TRAPPC11: variants seen among roughly 807,000 people sequenced by gnomAD.
TRAPPC11 encodes the protein trafficking protein particle complex subunit 11, also known as foie gras homolog.
Under a neutral mutation model 151.2 loss-of-function variants are expected in TRAPPC11, and 104 were observed. The ratio of observed to expected loss-of-function variants is 0.69; its 90% CI spans 0.59 to 0.81. The LOEUF is 0.81. TRAPPC11 is among the 30% of genes least tolerant of loss of function. The probability of loss-of-function intolerance (pLI) is 0.00; values close to 1 mark genes in which losing one functional copy is unlikely to be tolerated. For synonymous variants in TRAPPC11, 456 were observed against 472.3 expected, an observed-to-expected ratio of 0.97 and a Z score of 0.45; for missense variants, 1,230 against 1,349.6, an observed-to-expected ratio of 0.91 and a Z score of 1.39.
intron 25 of TRAPPC11, among the ~76,000 whole-genome samples, chr4:183,699,081 A>T (rs1736679863): frequency 6.6e-6 from 1 of 151,986 alleles, no homozygotes; most frequent in Non-Finnish European, 1.5e-5. Context: ...GACACACTGG[A>T]CCTCACCTGG....
chr4:183,695,248 C>T (rs1736477998), intron 23 of TRAPPC11, among the ~76,000 whole-genome samples: 1 of 152,124 alleles, frequency 6.6e-6, no homozygotes, highest in Non-Finnish European at 1.5e-5. Context: ...CTGGACCCGG[C>T]CTATATGGCT....
Position 183,683,719 on chromosome 4 carries a change from T to A in TRAPPC11, c.1208-256T>A, listed in dbSNP as rs571075873. On this transcript the variant is annotated intron_variant, in intron 11 of 29. Transcript: ENST00000334690. ...CAAGTGTATCCTCTATAGAGGATGATATTGACATTGCTTTTCAGATCGTTG... is the reference window on the plus strand; with the variant it reads ...CAAGTGTATCCTCTATAGAGGATGAAATTGACATTGCTTTTCAGATCGTTG... 10 of 488,726 alleles carry A rather than the reference T, an allele frequency of 2.0e-5. No individual in the cohort carries two copies. The South Asian group carries it at 2.2e-4, about 11-fold the overall frequency. 30.3% of individuals were successfully genotyped at this position (488,726 alleles called of 1,614,324 possible). A position where few individuals can be genotyped will look rare whatever the true frequency, so the allele number is the denominator to read the frequency against.
In TRAPPC11 at chr4:183,694,662, A is replaced by C; in HGVS notation, c.2567A>C (p.Tyr856Ser). Residue 856 changes from tyrosine to serine, a missense_variant, in exon 23 of 30, where the codon TAT becomes TCT. Tyr to Ser is a moderately radical substitution (Grantham distance 144). Transcript: ENST00000334690. Reference sequence around the variant, plus strand: ...GTGGGTTCCAGAATGTTTCTTGTATATGTTTCTTACCTGATAAATACAACC... The same window carrying C: ...GTGGGTTCCAGAATGTTTCTTGTATCTGTTTCTTACCTGATAAATACAACC... ...GTVGSRMFLV[Y>S]VSYLINTTVE... The C allele has an allele frequency of 6.2e-7, 1 of 1,612,210 alleles. No individual in the cohort carries two copies.
chr4:183,707,254 ATGTGTGTG>A (rs10576583), intron 28 of TRAPPC11, among the ~76,000 whole-genome samples: 4 of 148,568 alleles, frequency 2.7e-5, no homozygotes, highest in Admixed American at 6.7e-5. Context: ...GTGTGTGTTT[ATGTGTGTG>A]TGTGTGTGTG....
intron 1 of TRAPPC11, among the ~76,000 whole-genome samples, chr4:183,661,463 C>T (rs1167428874): frequency 6.7e-6 from 1 of 149,830 alleles, no homozygotes; most frequent in Non-Finnish European, 1.5e-5. Context: ...GCTCCGCCTC[C>T]CGGGTTCACG....
chr4:183,702,368 C>T (rs1736843022), intron 26 of TRAPPC11, among the ~76,000 whole-genome samples: 1 of 150,176 alleles, frequency 6.7e-6, no homozygotes, highest in East Asian at 2.0e-4. Flanking sequence ...AAGTTCATAG[C>T]AGCATTGATT....
At chr4:183,673,534 C>T (rs557504463) in intron 5 of TRAPPC11, among the ~76,000 whole-genome samples, 2 of 151,910 alleles carry the variant, frequency 1.3e-5, no homozygotes, top group Admixed American at 6.6e-5. Context: ...ATTAGCTGGG[C>T]GTGGTCATGT....
chr4:183,703,532 GA>G (rs1393313929), intron 26 of TRAPPC11, among the ~76,000 whole-genome samples: 5 of 152,124 alleles, frequency 3.3e-5, no homozygotes, highest in African/African-American at 1.2e-4. Flanking sequence ...ATATGCTATT[GA>G]AATTTTAGCC....
chr4:183,696,875 A>G (rs1736565235), intron 23 of TRAPPC11, among the ~76,000 whole-genome samples: 1 of 152,126 alleles, frequency 6.6e-6, no homozygotes, highest in Non-Finnish European at 1.5e-5. Context: ...TTACATTATT[A>G]TTATCTTTCT....
At chr4:183,678,324 C>T (rs1044464558) in intron 8 of TRAPPC11, among the ~76,000 whole-genome samples, 4 of 152,154 alleles carry the variant, frequency 2.6e-5, no homozygotes, top group African/African-American at 9.7e-5. Flanking sequence ...CAAGCAACGG[C>T]TGTTTGGTTT....
rs777110629 is a variant in TRAPPC11 at position 183,685,128 on chromosome 4, C to A, written c.1612C>A (p.Leu538Ile). The change falls in exon 16 of 30, where the codon CTC becomes ATC. Residue 538 changes from leucine (L) to isoleucine (I), a missense_variant. Transcript: ENST00000334690. ...DDQKSRIEKNLINVLMNESPD... is the reference protein window; with the variant it reads ...DDQKSRIEKNIINVLMNESPD... ...CCAGAAGTCTCGGATAGAAAAGAAC[C>A]TCATAAATGTTTTAATGGTAGGTTG... The A allele has an allele frequency of 1.9e-6, 3 of 1,613,828 alleles. No individual in the cohort carries two copies. The highest frequency in any genetic ancestry group is 2.5e-6 in the Non-Finnish European group (3 of 1,179,862).
intron 1 of TRAPPC11, 131 bp from the exon 2 acceptor site, chr4:183,663,716 A>G (rs1188619119): frequency 1.8e-5 from 11 of 606,292 alleles, no homozygotes; most frequent in South Asian, 8.5e-5. Context: ...AGATTCATAT[A>G]TTGGAAATGA....
rs2111105592 is a variant in TRAPPC11, at chr4:183,708,403, G to A, written c.3190-4G>A. The A allele has an allele frequency of 1.9e-6, 3 of 1,610,508 alleles. No homozygotes were observed. The highest frequency in any genetic ancestry group is 1.7e-4 in the Middle Eastern group (1 of 5,980). On this transcript the variant is annotated splice_polypyrimidine_tract_variant and splice_region_variant and intron_variant, in intron 28 of 29. Transcript: ENST00000334690. ...ATCTTTCTCTGTGACTTTTTATGAT[G>A]CAGATTCGATTACGTATCCTCCCTG... is the stretch of plus-strand genomic sequence containing the variant.
rs1023182753 is a variant in TRAPPC11, at chr4:183,683,991, T to C, written c.1224T>C (p.Asp408=). The change falls in exon 12 of 30, where the codon GAT becomes GAC. Residue 408 remains aspartate (D), a synonymous_variant. Coordinates refer to ENST00000334690, the MANE Select transcript of TRAPPC11 (RefSeq NM_021942.6). ...RQGILSFDLS[D]PEKEKVGILA... ...CTTACGCAGGTTTTGATCTTTCTGA[T>C]CCTGAAAAAGAAAAGGTGGGAATTC... 3 of 1,613,916 alleles carry C rather than the reference T, an allele frequency of 1.9e-6. No individual in the cohort carries two copies. In the Admixed American group the frequency reaches 5.0e-5, roughly 27 times the overall value.
At chr4:183,683,765 A>G (rs1735818913) in intron 11 of TRAPPC11, 1 of 560,498 alleles carries the variant, frequency 1.8e-6, no homozygotes, top group Admixed American at 3.1e-5. Context: ...GTAGAAGAAC[A>G]TTGAGCTCAA....
chr4:183,679,381 C>T lies in TRAPPC11; in HGVS notation c.860C>T (p.Thr287Ile). Residue 287 changes from threonine (T) to isoleucine (I), a missense_variant, in exon 9 of 30, where the codon ACC becomes ATC. By Grantham distance (89) the Thr-to-Ile change is moderately conservative. Coordinates refer to ENST00000334690, the MANE Select transcript of TRAPPC11 (RefSeq NM_021942.6). ...TGTAGGCTGTGTTTTCAACACAACA[C>T]CCCATTGGATGCAATTGCTCAGTTC... ...KICRLCFQHN[T>I]PLDAIAQFRK... The T allele has an allele frequency of 1.2e-6, 2 of 1,611,422 alleles. No individual in the cohort carries two copies. The highest frequency in any genetic ancestry group is 1.7e-6 in the Non-Finnish European group (2 of 1,178,890).
intron 29 of TRAPPC11, among the ~76,000 whole-genome samples, chr4:183,712,007 A>T (rs942428872): frequency 6.6e-6 from 1 of 152,148 alleles, no homozygotes; most frequent in African/African-American, 2.4e-5. Flanking sequence ...AATTCTTTCA[A>T]TCAGTGATCT....
intron 5 of TRAPPC11, among the ~76,000 whole-genome samples, chr4:183,674,058 T>G (rs2111328373): frequency 6.6e-6 from 1 of 152,316 alleles, no homozygotes; most frequent in Non-Finnish European, 1.5e-5. Context: ...ATAATTTTTT[T>G]CAGACTTTTT....
At chr4:183,670,581 C>T (rs997011650) in intron 5 of TRAPPC11, among the ~76,000 whole-genome samples, 3 of 152,150 alleles carry the variant, frequency 2.0e-5, no homozygotes, top group African/African-American at 7.2e-5. Flanking sequence ...CCAAAAATGG[C>T]TCTGGAAAAT....
Sources: allele counts gnomAD v4.1 joint callset (sites outside exome capture counted in the v4.1 genomes callset), GRCh38; gene constraint gnomAD v4.1.1; transcripts MANE v1.5; gene names NCBI Gene and HGNC (gene_info 2026-07-23, HGNC 2026-07-21).